The following RBM26 variants were observed in gnomAD, a reference collection of about 807,000 sequenced individuals.
RBM26 encodes the protein RNA binding motif protein 26, also known as RNA-binding protein 26.
In RBM26, 30 loss-of-function variants were observed where a neutral mutation model predicts 123.6. That is an observed-to-expected ratio of 0.24 (90% CI 0.18 to 0.33). RBM26 has a LOEUF of 0.33. RBM26 is among the 10% of genes least tolerant of loss of function. The pLI is 1.00. For synonymous variants in RBM26, 400 were observed against 404.4 expected, an observed-to-expected ratio of 0.99 and a Z score of 0.13; for missense variants, 947 against 1,203.6, an observed-to-expected ratio of 0.79 and a Z score of 3.15.
intron 1 of RBM26, among the ~76,000 whole-genome samples, chr13:79,388,660 T>G (rs2077685935): frequency 6.6e-6 from 1 of 152,212 alleles, no homozygotes; most frequent in Non-Finnish European, 1.5e-5. Context: ...GCATCCAAAC[T>G]TAACATGATT....
chr13:79,358,126 GCC>G (rs2074253518), intron 11 of RBM26, 146 bp downstream of exon 11: 1 of 560,354 alleles, frequency 1.8e-6, no homozygotes, highest in Non-Finnish European at 2.8e-6. Flanking sequence ...CAGGTGATCC[GCC>G]CGCCTTGGCC....
chr13:79,320,394 GTTTC>G lies in RBM26; in HGVS notation c.*223_*226del, dbSNP rs528538609. 9.0e-3 allele frequency: 10,463 copies of G among 1,160,354 alleles called. 56 individuals are homozygous for G. The highest frequency in any genetic ancestry group is 0.01 in the Non-Finnish European group (9,794 of 939,984). 71.9% of individuals were successfully genotyped at this position (1,160,354 alleles called of 1,614,324 possible). ...AGTATGTAATAAAAACATTGCATAT[GTTTC>G]TAGTGTGATGTCTTTAGCAATTGTT... On this transcript the variant is annotated 3_prime_UTR_variant, in exon 22 of 22. Coordinates refer to ENST00000438737, the MANE Select transcript of RBM26 (RefSeq NM_001366735.2).
intron 1 of RBM26, among the ~76,000 whole-genome samples, chr13:79,380,022 C>T (rs2076957628): frequency 6.6e-6 from 1 of 152,118 alleles, no homozygotes; most frequent in African/African-American, 2.4e-5. Context: ...CAATTCTAAA[C>T]ATGAGCTGGT....
chr13:79,357,062 G>C (rs1015356122), intron 11 of RBM26, among the ~76,000 whole-genome samples: 2 of 152,066 alleles, frequency 1.3e-5, no homozygotes, highest in African/African-American at 4.8e-5. Context: ...TTTGTGTACA[G>C]ATAAATAGAC....
At chr13:79,362,246 G>A (rs1292414970) in intron 9 of RBM26, among the ~76,000 whole-genome samples, 1 of 152,100 alleles carries the variant, frequency 6.6e-6, no homozygotes, top group Non-Finnish European at 1.5e-5. Context: ...ATTATCCAGG[G>A]CAGGAAACGG....
chr13:79,398,899 TC>T (rs2140512920), intron 1 of RBM26, among the ~76,000 whole-genome samples: 1 of 152,312 alleles, frequency 6.6e-6, no homozygotes, highest in East Asian at 1.9e-4. Flanking sequence ...ACTTGAAATT[TC>T]AACTAACGCA....
At chr13:79,366,266 C>A in intron 7 of RBM26, 71 bp from the exon 8 acceptor site, 1 of 1,462,788 alleles carries the variant, frequency 6.8e-7, no homozygotes, top group South Asian at 1.3e-5. Flanking sequence ...CACATCCGAA[C>A]ATAATCTTCT....
intron 12 of RBM26, 131 bp downstream of exon 12, chr13:79,355,089 A>G: frequency 1.3e-6 from 1 of 761,418 alleles, no homozygotes. Flanking sequence ...AAGTCTTTAC[A>G]GGTAACAGAA....
intron 9 of RBM26, among the ~76,000 whole-genome samples, chr13:79,360,072 T>C (rs1208568104): frequency 6.6e-6 from 1 of 152,126 alleles, no homozygotes; most frequent in Non-Finnish European, 1.5e-5. Context: ...TACAAAAAGA[T>C]ATTTGACAGA....
chr13:79,387,624 A>G (rs962321370), intron 1 of RBM26, among the ~76,000 whole-genome samples: 2 of 151,776 alleles, frequency 1.3e-5, no homozygotes, highest in African/African-American at 4.8e-5. Context: ...TTGTGAAAAA[A>G]TATTTGGCTT....
At chr13:79,403,503 G>A (rs2079230200) in intron 1 of RBM26, among the ~76,000 whole-genome samples, 2 of 152,128 alleles carry the variant, frequency 1.3e-5, no homozygotes, top group South Asian at 2.1e-4. Flanking sequence ...GAAACTGAAC[G>A]CTTAAAGGAA....
At chr13:79,393,474 C>G (rs1479812009) in intron 1 of RBM26, among the ~76,000 whole-genome samples, 2 of 152,300 alleles carry the variant, frequency 1.3e-5, no homozygotes, top group African/African-American at 4.8e-5. Context: ...ATTCTTTCTT[C>G]TGAGACAAGA....
At chr13:79,345,155 T>C (rs769544080) in intron 14 of RBM26, among the ~76,000 whole-genome samples, 4 of 152,142 alleles carry the variant, frequency 2.6e-5, no homozygotes, top group Non-Finnish European at 4.4e-5. Flanking sequence ...CTCAAGAGCA[T>C]GGCACAGGAG....
chr13:79,312,280 T>C (rs1037193230), exon 5 of RBM26: 5 of 152,108 alleles, frequency 3.3e-5, no homozygotes, highest in African/African-American at 9.7e-5. Flanking sequence ...CCAGACAATA[T>C]GTTCTGAAGT....
At chr13:79,342,033 T>C (rs1039685849) in intron 17 of RBM26, among the ~76,000 whole-genome samples, 1 of 151,842 alleles carries the variant, frequency 6.6e-6, no homozygotes, top group Non-Finnish European at 1.5e-5. Context: ...GAACGTATTA[T>C]AGCACTGTGT....
Position 79,341,237 on chromosome 13 carries a change from AG to A in RBM26, c.2428-11del. On this transcript the variant is annotated splice_polypyrimidine_tract_variant and intron_variant, in intron 17 of 21. Transcript: ENST00000438737. ...GTAATTCCTTCTGCATCTAAAAAAT[AG>A]TAATTAATATTTTAGGTGACAGTAA... 1.3e-6 allele frequency: 2 copies of A among 1,556,468 alleles called. No individual in the cohort carries two copies. The highest frequency in any genetic ancestry group is 1.8e-6 in the Non-Finnish European group (2 of 1,132,330).
chr13:79,323,162 A>G (rs2067894457), intron 20 of RBM26, among the ~76,000 whole-genome samples: 1 of 151,556 alleles, frequency 6.6e-6, no homozygotes, highest in Non-Finnish European at 1.5e-5. Flanking sequence ...AGTACTTGCT[A>G]TATTAAGTGG....
At chr13:79,360,485 C>T (rs1420453435) in intron 9 of RBM26, among the ~76,000 whole-genome samples, 3 of 146,964 alleles carry the variant, frequency 2.0e-5, no homozygotes, top group African/African-American at 7.7e-5. Flanking sequence ...ATCACCCTCA[C>T]CACAAATATA....
At chr13:79,377,755 A>G (rs1231200772) in intron 2 of RBM26, among the ~76,000 whole-genome samples, 1 of 152,080 alleles carries the variant, frequency 6.6e-6, no homozygotes, top group Non-Finnish European at 1.5e-5. Flanking sequence ...TGTCTCCACA[A>G]AAATTAGCCA....
Sources: allele counts gnomAD v4.1 joint callset (sites outside exome capture counted in the v4.1 genomes callset), GRCh38; gene constraint gnomAD v4.1.1; transcripts MANE v1.5; gene names NCBI Gene and HGNC (gene_info 2026-07-23, HGNC 2026-07-21).